The following ZNF568 variants were observed in gnomAD, a reference collection of about 807,000 sequenced individuals.
The protein encoded by ZNF568 is zinc finger protein 568, also known as p53 inhibitor of SCO2 activation.
Under a neutral mutation model 18.1 loss-of-function variants are expected in ZNF568, and 11 were observed. The ratio of observed to expected loss-of-function variants is 0.61; its 90% CI spans 0.38 to 1.00. ZNF568 has a LOEUF of 1.00. ZNF568 is among the 50% of genes least tolerant of loss of function. ZNF568 has a pLI of 0.01. For synonymous variants in ZNF568, 213 were observed against 246.6 expected (o/e 0.86, Z 1.28); for missense variants, 639 against 768.2 (o/e 0.83, Z 1.99).
intron 3 of ZNF568, among the ~76,000 whole-genome samples, chr19:36,924,071 ATTT>A (rs1418352390): frequency 6.6e-6 from 1 of 152,092 alleles, no homozygotes; most frequent in Non-Finnish European, 1.5e-5. Context: ...TCAGGCTTTT[ATTT>A]TTAACCAAAA....
chr19:36,992,781 C>T (rs370360965), intron 4 of ZNF568, among the ~76,000 whole-genome samples: 6 of 152,166 alleles, frequency 3.9e-5, no homozygotes, highest in South Asian at 2.1e-4. Flanking sequence ...CAAAATGAAA[C>T]GCCATACCCA....
At chr19:36,995,069 C>G in intron 4 of ZNF568, among the ~76,000 whole-genome samples, 1 of 151,798 alleles carries the variant, frequency 6.6e-6, no homozygotes, top group Non-Finnish European at 1.5e-5. Context: ...TTTTTCCATT[C>G]TTTCATTTCA....
rs555558307 is a variant in ZNF568, at chr19:36,930,303, A to G, written c.135+5045A>G. On this transcript the variant is annotated intron_variant, in intron 4 of 6. Coordinates refer to ENST00000333987, the MANE Select transcript of ZNF568 (RefSeq NM_198539.4). ...TGGCTGACTGCAAGCTCCGCCTCCC[A>G]GGTTCACGCCATTCTCCTGCCTCAG... 5.4e-5 allele frequency among the ~76,000 whole-genome samples: 8 copies of G among 148,820 alleles called. No homozygotes were observed. The South Asian group carries it at 1.1e-3, about 20-fold the overall frequency.
At chr19:36,923,857 C>T (rs1377647727) in intron 3 of ZNF568, among the ~76,000 whole-genome samples, 1 of 152,108 alleles carries the variant, frequency 6.6e-6, no homozygotes, top group Non-Finnish European at 1.5e-5. Context: ...ACCCTCCTCC[C>T]ACCTTCACTT....
downstream of ZNF568, among the ~76,000 whole-genome samples, chr19:36,983,831 G>A (rs891000345): frequency 1.3e-5 from 2 of 150,256 alleles, no homozygotes; most frequent in Middle Eastern, 3.3e-3. Flanking sequence ...TGTTTTGGAT[G>A]TGTCTCTAAT....
chr19:36,997,093 C>T (rs1474630271), exon 5 of ZNF568: 5 of 1,565,364 alleles, frequency 3.2e-6, no homozygotes, highest in Non-Finnish European at 4.3e-6. Context: ...ACAGCTGAGC[C>T]TTCATCAGAT....
intron 3 of ZNF568, 110 bp from the exon 4 acceptor site, chr19:36,925,090 T>C: frequency 1.1e-6 from 1 of 897,448 alleles, no homozygotes; most frequent in Non-Finnish European, 1.8e-6. Flanking sequence ...TTCTTATTGC[T>C]TCAAGGATCA....
downstream of ZNF568, chr19:36,997,633 G>C (rs771270607): frequency 6.7e-7 from 1 of 1,489,224 alleles, no homozygotes; most frequent in Non-Finnish European, 9.1e-7. Context: ...GAAACCATAT[G>C]AATGTCAGCA....
At chr19:36,980,448 G>A (rs1341170745), downstream of ZNF568, 1 of 152,062 alleles carries the variant, frequency 6.6e-6, no homozygotes, top group East Asian at 1.9e-4. Context: ...CAAACTGCAA[G>A]GTCTGAGGGA....
intron 6 of ZNF568, among the ~76,000 whole-genome samples, chr19:36,944,922 G>C (rs1321439580): frequency 6.6e-6 from 1 of 152,020 alleles, no homozygotes; most frequent in East Asian, 1.9e-4. Flanking sequence ...TATGTTTAAG[G>C]TTACTTGAAG....
intron 6 of ZNF568, among the ~76,000 whole-genome samples, chr19:36,964,580 G>A (rs113674819): frequency 6.6e-6 from 1 of 152,178 alleles, no homozygotes; most frequent in East Asian, 1.9e-4. Context: ...TGGGAAGCCA[G>A]GGTGGGAAGA....
intron 2 of ZNF568, among the ~76,000 whole-genome samples, chr19:36,990,194 T>G (rs904951495): frequency 6.6e-6 from 1 of 152,184 alleles, no homozygotes; most frequent in East Asian, 1.9e-4. Flanking sequence ...TTGTGTAGTA[T>G]GTGCGCACCT....
Position 36,991,881 on chromosome 19 carries a change from G to A in ZNF568, c.229+35G>A, listed in dbSNP as rs1194315445. ...GATGAACTGGAATGGGGAGGCCATA[G>A]CAGGTGGTCACTTAGCTCATCTGTG... On this transcript the variant is annotated intron_variant, in intron 4 of 4. Transcript: ENST00000433993. 4.0e-6 allele frequency: 6 copies of A among 1,513,416 alleles called. No individual in the cohort carries two copies. In the African/African-American group the frequency reaches 4.1e-5, roughly 10 times the overall value. The allele number at this position is 1,513,416 out of a possible 1,614,324, so 93.7% of individuals were successfully genotyped here.
downstream of ZNF568, among the ~76,000 whole-genome samples, chr19:36,983,475 T>C (rs1458337006): frequency 1.3e-5 from 2 of 152,204 alleles, no homozygotes; most frequent in South Asian, 2.1e-4. Flanking sequence ...TATTCATTCA[T>C]GCAAAATGTT....
downstream of ZNF568, chr19:36,997,580 G>A (rs750778906): frequency 1.9e-6 from 3 of 1,572,254 alleles, no homozygotes; most frequent in Admixed American, 1.8e-5. Flanking sequence ...CCCTTTGGTG[G>A]TGGCTCAGAA....
intron 4 of ZNF568, 29 bp downstream of exon 4, chr19:36,925,287 G>T (rs767560571): frequency 6.0e-5 from 96 of 1,605,334 alleles, no homozygotes; most frequent in Non-Finnish European, 7.8e-5. Context: ...TTTGTTTCCT[G>T]CATTATTTTG....
At chr19:36,968,748 C>T (rs1324349576) in intron 6 of ZNF568, among the ~76,000 whole-genome samples, 2 of 150,140 alleles carry the variant, frequency 1.3e-5, no homozygotes. Context: ...ATGTTTAGTA[C>T]TGAAGTATAA....
intron 2 of ZNF568, among the ~76,000 whole-genome samples, chr19:36,987,822 CTGTGTGTGTGTGTG>C (rs56000710): frequency 6.8e-6 from 1 of 146,298 alleles, no homozygotes; most frequent in Admixed American, 6.8e-5. Flanking sequence ...AACACAGACT[CTGTGTGTGTGTGTG>C]TGTGTGTGTG....
At position 36,951,041 on chromosome 19, in the gene ZNF568, T is replaced by C; in HGVS notation, c.1888T>C (p.Ser630Pro). The change falls in exon 7 of 7, where the codon TCT becomes CCT. Residue 630 changes from serine (S) to proline (P), a missense_variant. Physicochemically the swap from Ser to Pro is moderately conservative, Grantham distance 74. Coordinates refer to ENST00000333987, the MANE Select transcript of ZNF568 (RefSeq NM_198539.4). Reference protein sequence around the residue: ...GKAFSQRASLSIHKRGHTGER... With the variant: ...GKAFSQRASLPIHKRGHTGER... ...AGCATTCTCTCAAAGAGCATCCCTT[T>C]CTATACATAAGAGAGGTCATACAGG... The C allele has an allele frequency of 6.2e-7, 1 of 1,603,420 alleles. No individual in the cohort carries two copies. Among genetic ancestry groups the C allele is most frequent in the Non-Finnish European group, 8.5e-7 (1 of 1,175,790 alleles).
Sources: allele counts gnomAD v4.1 joint callset (sites outside exome capture counted in the v4.1 genomes callset), GRCh38; gene constraint gnomAD v4.1.1; transcripts MANE v1.5; gene names NCBI Gene and HGNC (gene_info 2026-07-23, HGNC 2026-07-21).